Variants in PTPRT observed in about 807,000 individuals in gnomAD.
PTPRT encodes receptor-type tyrosine-protein phosphatase T.
PTPRT carries 56 observed loss-of-function variants against 176.8 expected under a neutral mutation model. The ratio of observed to expected loss-of-function variants is 0.32; its 90% CI spans 0.26 to 0.40. The LOEUF is 0.40. Among genes scored for constraint, PTPRT ranks in the 10% least tolerant of loss-of-function variants. The pLI, the probability that PTPRT is intolerant of heterozygous loss-of-function variation, is 1.00. For missense variants in PTPRT, 1,540 were observed against 1,908.2 expected (o/e 0.81, Z 3.60); for synonymous variants, 783 against 739.0 (o/e 1.06, Z -0.96).
intron 5 of PTPRT, among the ~76,000 whole-genome samples, chr20:42,759,797 T>A (rs2076889002): frequency 6.6e-6 from 1 of 152,214 alleles, no homozygotes; most frequent in Non-Finnish European, 1.5e-5. Context: ...ATGTGTGTTG[T>A]TCTAAAGTGA....
At chr20:42,732,157 T>TA (rs11086849) in intron 6 of PTPRT, among the ~76,000 whole-genome samples, 108,355 of 151,830 alleles carry the variant, frequency 0.71, 38,949 homozygotes, top group East Asian at 0.93. Context: ...TAAACTTTTC[T>TA]AAAAAAAATA....
intron 7 of PTPRT, among the ~76,000 whole-genome samples, chr20:42,633,999 TTATATATATATAATA>T (rs1383353787): frequency 1.1e-4 from 3 of 26,880 alleles, no homozygotes; most frequent in Admixed American, 1.5e-3. Flanking sequence ...ATTATATATA[TTATATATATATAATA>T]TATATATAAT....
chr20:42,806,482 CAA>C (rs11475047), intron 2 of PTPRT, among the ~76,000 whole-genome samples: 18,907 of 114,700 alleles, frequency 0.16, 1,122 homozygotes, highest in East Asian at 0.37. Flanking sequence ...GACTCTGTCT[CAA>C]AAAAAAAAAA....
At chr20:42,339,333 C>A (rs1364152719) in intron 11 of PTPRT, among the ~76,000 whole-genome samples, 1 of 152,150 alleles carries the variant, frequency 6.6e-6, no homozygotes, top group Non-Finnish European at 1.5e-5. Context: ...GTGTTTTTAG[C>A]CCCCACGTGG....
intron 1 of PTPRT, among the ~76,000 whole-genome samples, chr20:42,942,591 C>T (rs1379121849): frequency 1.3e-5 from 2 of 152,178 alleles, no homozygotes; most frequent in African/African-American, 2.4e-5. Context: ...CGTTCTCTCT[C>T]GTATCTCTGG....
the PTPRT span, among the ~76,000 whole-genome samples, chr20:42,056,353 G>A: frequency 6.6e-6 from 1 of 152,142 alleles, no homozygotes; most frequent in South Asian, 2.1e-4. Flanking sequence ...TTGGCCCTTG[G>A]ACAAACTCAA....
chr20:42,712,079 C>A (rs190772635), intron 6 of PTPRT, among the ~76,000 whole-genome samples: 39 of 152,208 alleles, frequency 2.6e-4, no homozygotes, highest in Admixed American at 2.3e-3. Context: ...CATTCATTAC[C>A]TGGACTAATG....
intron 3 of PTPRT, 75 bp from the exon 4 acceptor site, chr20:42,780,374 C>G: frequency 4.3e-6 from 5 of 1,172,814 alleles, no homozygotes; most frequent in Non-Finnish European, 6.3e-6. Context: ...GCCCGGCCCC[C>G]AGCCCTTTAT....
chr20:43,177,154 T>G (rs778336280), intron 1 of PTPRT, among the ~76,000 whole-genome samples: 1 of 152,168 alleles, frequency 6.6e-6, no homozygotes, highest in Non-Finnish European at 1.5e-5. Context: ...ATGGCCACAT[T>G]TTGGATAGGG....
intron 7 of PTPRT, among the ~76,000 whole-genome samples, chr20:42,668,282 T>C (rs1369149888): frequency 6.6e-6 from 1 of 152,190 alleles, no homozygotes; most frequent in East Asian, 1.9e-4. Flanking sequence ...CAACTGGATG[T>C]CTAATAGGGC....
At chr20:42,047,413 C>T in the PTPRT span, among the ~76,000 whole-genome samples, 6 of 152,176 alleles carry the variant, frequency 3.9e-5, no homozygotes, top group Non-Finnish European at 8.8e-5. Context: ...TGAAGACAGG[C>T]CACCAGACCC....
chr20:42,327,383 T>C (rs550213094), intron 11 of PTPRT, among the ~76,000 whole-genome samples: 108 of 152,148 alleles, frequency 7.1e-4, no homozygotes, highest in African/African-American at 2.5e-3. Context: ...TAAAAAGCTT[T>C]AAAGGACAAT....
chr20:42,851,419 T>G (rs923474484), intron 2 of PTPRT, among the ~76,000 whole-genome samples: 5 of 152,210 alleles, frequency 3.3e-5, no homozygotes, highest in African/African-American at 1.2e-4. Context: ...ATCATCACTG[T>G]CTTGCATTTC....
intron 18 of PTPRT, among the ~76,000 whole-genome samples, chr20:42,140,743 C>T (rs370661241): frequency 6.6e-6 from 1 of 152,134 alleles, no homozygotes; most frequent in African/African-American, 2.4e-5. Context: ...CTGCCTTATT[C>T]TATGTCCCCA....
At chr20:42,267,344 C>CT (rs1355180717) in intron 13 of PTPRT, among the ~76,000 whole-genome samples, 1 of 152,202 alleles carries the variant, frequency 6.6e-6, no homozygotes, top group Non-Finnish European at 1.5e-5. Flanking sequence ...GCATTTTCAA[C>CT]TTACAACATT....
chr20:42,085,641 T>C (rs1371511636), intron 28 of PTPRT, 87 bp downstream of exon 28: 6 of 1,555,368 alleles, frequency 3.9e-6, no homozygotes, highest in African/African-American at 1.4e-5. Flanking sequence ...CACAGACTCT[T>C]GGCTGGCTCA....
At chr20:43,061,138 T>TG (rs1987444991) in intron 1 of PTPRT, among the ~76,000 whole-genome samples, 1 of 150,060 alleles carries the variant, frequency 6.7e-6, no homozygotes, top group South Asian at 2.1e-4. Flanking sequence ...TCAGGGTACC[T>TG]ACTTCAGCAT....
chr20:42,850,719 C>T (rs1164433983), intron 2 of PTPRT, among the ~76,000 whole-genome samples: 1 of 152,160 alleles, frequency 6.6e-6, no homozygotes, highest in Non-Finnish European at 1.5e-5. Context: ...CCTTTTTCTC[C>T]AAGCAACAGG....
chr20:42,760,083 T>C (rs1397882308), intron 5 of PTPRT, among the ~76,000 whole-genome samples: 2 of 152,210 alleles, frequency 1.3e-5, no homozygotes, highest in African/African-American at 4.8e-5. Context: ...GTTGAACTAC[T>C]GTGTCCATCA....
Sources: gnomAD v4.1 joint callset for allele counts (sites outside exome capture counted in the v4.1 genomes callset) on GRCh38, gnomAD v4.1.1 for gene constraint, MANE v1.5 for transcripts, NCBI Gene and HGNC (gene_info 2026-07-23, HGNC 2026-07-21) for gene names.